The following CD2AP variants were observed in gnomAD, a reference collection of about 807,000 sequenced individuals.
CD2AP encodes CD2-associated protein.
A neutral mutation model predicts 85.1 loss-of-function variants in CD2AP; 46 were observed. The ratio of observed to expected loss-of-function variants is 0.54; its 90% CI spans 0.43 to 0.69. CD2AP has a LOEUF of 0.69. Among genes scored for constraint, CD2AP ranks in the 30% least tolerant of loss-of-function variants. The pLI, the probability that CD2AP is intolerant of heterozygous loss-of-function variation, is 0.00. For synonymous variants in CD2AP, 255 were observed against 252.9 expected (o/e 1.01, Z -0.08); for missense variants, 769 against 729.5 (o/e 1.05, Z -0.62).
intron 2 of CD2AP, among the ~76,000 whole-genome samples, chr6:47,531,873 G>C (rs530152508): frequency 6.6e-6 from 1 of 152,094 alleles, no homozygotes; most frequent in Admixed American, 6.5e-5. Context: ...AGGGGTTTGT[G>C]ACCAGCCTGG....
At chr6:47,536,791 A>AT (rs780642261) in intron 3 of CD2AP, among the ~76,000 whole-genome samples, 17 of 152,348 alleles carry the variant, frequency 1.1e-4, no homozygotes, top group Non-Finnish European at 1.9e-4. Flanking sequence ...TGCAAGTCAC[A>AT]TTACTTCTGA....
intron 4 of CD2AP, chr6:47,545,049 G>A (rs1053106020): frequency 2.0e-5 from 4 of 203,132 alleles, no homozygotes; most frequent in Middle Eastern, 2.3e-3. Flanking sequence ...CTTTTTAAAC[G>A]CTTTGCCTTG....
intron 12 of CD2AP, among the ~76,000 whole-genome samples, 191 bp from the exon 13 acceptor site, chr6:47,599,110 C>T (rs1477972665): frequency 1.4e-5 from 2 of 139,134 alleles, no homozygotes; most frequent in African/African-American, 5.0e-5. Flanking sequence ...CTACACTTAA[C>T]TAAACTGTTC....
intron 11 of CD2AP, among the ~76,000 whole-genome samples, chr6:47,589,565 C>CATATATAT (rs1554182282): frequency 2.5e-5 from 3 of 120,998 alleles, no homozygotes; most frequent in African/African-American, 8.9e-5. Context: ...CACACACACA[C>CATATATAT]ATATATATAT....
chr6:47,582,051 A>C lies in CD2AP; in HGVS notation c.1094A>C (p.Lys365Thr). ...GCAGAGAAGAAATATTTTTCTTTAA[A>C]GCCTGAAGAAAAGGGTGAGGCTAAT... ...IAAEKKYFSL[K>T]PEEKDEKSTL... The change falls in exon 11 of 18, where the codon AAG (lysine) becomes ACG (threonine). Residue 365 changes from lysine (K) to threonine (T), a missense_variant. Lys to Thr is a moderately conservative substitution (Grantham distance 78). Transcript: ENST00000359314. The C allele has an allele frequency of 6.2e-7, 1 of 1,600,920 alleles. No homozygotes were observed. The highest frequency in any genetic ancestry group is 8.6e-7 in the Non-Finnish European group (1 of 1,168,146).
chr6:47,601,642 A>G (rs1769138080), intron 13 of CD2AP, among the ~76,000 whole-genome samples: 1 of 151,998 alleles, frequency 6.6e-6, no homozygotes, highest in South Asian at 2.1e-4. Context: ...AGACGATCAT[A>G]TGTTCCTAGT....
At chr6:47,614,801 T>G (rs1769537309) in intron 17 of CD2AP, among the ~76,000 whole-genome samples, 2 of 152,194 alleles carry the variant, frequency 1.3e-5, no homozygotes, top group South Asian at 4.1e-4. Flanking sequence ...TTCTGTGCAG[T>G]TAAGCTATTT....
At chr6:47,526,927 A>G (rs1446514519) in intron 2 of CD2AP, among the ~76,000 whole-genome samples, 2 of 152,150 alleles carry the variant, frequency 1.3e-5, no homozygotes, top group Non-Finnish European at 2.9e-5. Flanking sequence ...AGTATGAAAA[A>G]TACTTAGTGC....
chr6:47,550,527 T>TA (rs149899488), intron 4 of CD2AP, among the ~76,000 whole-genome samples: 2,679 of 148,020 alleles, frequency 0.018, 89 homozygotes, highest in African/African-American at 0.062. Flanking sequence ...GAATGACCAT[T>TA]AAAAAAAAAA....
At chr6:47,546,958 T>C (rs191953999) in intron 4 of CD2AP, among the ~76,000 whole-genome samples, 7 of 152,256 alleles carry the variant, frequency 4.6e-5, no homozygotes, top group Admixed American at 3.9e-4. Context: ...TACAGTCTTT[T>C]TCAGACAAAC....
chr6:47,609,310 T>A lies in CD2AP; in HGVS notation c.1814+6T>A. 6.2e-7 allele frequency: 1 copy of A among 1,607,898 alleles called. No individual in the cohort carries two copies. Among genetic ancestry groups the A allele is most frequent in the Non-Finnish European group, 8.5e-7 (1 of 1,174,924 alleles). On this transcript the variant is annotated splice_donor_region_variant and intron_variant, in intron 16 of 17. Transcript: ENST00000359314. ...GCACTGAAAAAGGATCACGGGTAAG[T>A]AGCCCTTCTTTTCTCCTGTGAGTAC...
At chr6:47,556,443 C>T (rs1196834462) in intron 5 of CD2AP, among the ~76,000 whole-genome samples, 1 of 151,582 alleles carries the variant, frequency 6.6e-6, no homozygotes, top group Non-Finnish European at 1.5e-5. Context: ...GTTGCCCAGA[C>T]TAGGAGCGAT....
intron 5 of CD2AP, among the ~76,000 whole-genome samples, chr6:47,555,253 A>G (rs1767649138): frequency 6.6e-6 from 1 of 152,124 alleles, no homozygotes; most frequent in Non-Finnish European, 1.5e-5. Flanking sequence ...AATTCTTCTT[A>G]ATTTGCTCAC....
intron 17 of CD2AP, among the ~76,000 whole-genome samples, chr6:47,616,009 T>C (rs1361127294): frequency 2.0e-5 from 3 of 149,228 alleles, no homozygotes; most frequent in Middle Eastern, 3.4e-3. Flanking sequence ...GGTCTTGAAC[T>C]CCTGACCTTG....
At chr6:47,487,418 C>T (rs139872181) in intron 1 of CD2AP, among the ~76,000 whole-genome samples, 5,688 of 152,176 alleles carry the variant, frequency 0.037, 343 homozygotes, top group African/African-American at 0.13. Flanking sequence ...TGGCCAGGCG[C>T]GGTGGCTCAC....
At chr6:47,538,577 T>C (rs1052387432) in intron 3 of CD2AP, among the ~76,000 whole-genome samples, 2 of 152,226 alleles carry the variant, frequency 1.3e-5, no homozygotes, top group East Asian at 1.9e-4. Flanking sequence ...AATTGACTAA[T>C]TAAATAAATT....
chr6:47,596,205 A>G (rs868836168), intron 12 of CD2AP, among the ~76,000 whole-genome samples, 179 bp downstream of exon 12: 6 of 152,130 alleles, frequency 3.9e-5, no homozygotes, highest in Non-Finnish European at 7.4e-5. Flanking sequence ...TTTAAAGCGT[A>G]TATATAATTC....
At chr6:47,591,448 C>T (rs1213754232) in intron 11 of CD2AP, among the ~76,000 whole-genome samples, 2 of 152,110 alleles carry the variant, frequency 1.3e-5, no homozygotes, top group Non-Finnish European at 2.9e-5. Context: ...CTAAAATTTT[C>T]TAAAATGTTA....
At chr6:47,527,121 A>G (rs1766751900) in intron 2 of CD2AP, among the ~76,000 whole-genome samples, 2 of 151,842 alleles carry the variant, frequency 1.3e-5, no homozygotes, top group Admixed American at 1.3e-4. Context: ...CCCGATTGAA[A>G]AATATTCATT....
Sources: gnomAD v4.1 joint callset for allele counts (sites outside exome capture counted in the v4.1 genomes callset) on GRCh38, gnomAD v4.1.1 for gene constraint, MANE v1.5 for transcripts, NCBI Gene and HGNC (gene_info 2026-07-23, HGNC 2026-07-21) for gene names.